The following TNS3 variants were observed in gnomAD, a reference collection of about 807,000 sequenced individuals.
The protein encoded by TNS3 is tensin-3.
TNS3 carries 45 observed loss-of-function variants against 140.9 expected under a neutral mutation model. That is an observed-to-expected ratio of 0.32 (90% CI 0.25 to 0.41). The LOEUF (loss-of-function observed/expected upper bound fraction) is 0.41, where lower values mean the gene tolerates loss of function less well. Ranked by LOEUF, TNS3 falls within the 10% of genes least tolerant of loss-of-function variation. TNS3 has a pLI of 1.00. For synonymous variants in TNS3, 815 were observed against 788.4 expected, an observed-to-expected ratio of 1.03 and a Z score of -0.56; for missense variants, 1,716 against 1,906.7, an observed-to-expected ratio of 0.90 and a Z score of 1.86.
chr7:47,415,836 G>C (rs576292034), intron 10 of TNS3, among the ~76,000 whole-genome samples: 2 of 152,394 alleles, frequency 1.3e-5, no homozygotes, highest in African/African-American at 4.8e-5. Context: ...TCGGCCTCAT[G>C]CTTCCAACAC....
chr7:47,533,103 T>TTATATATATATATATATATATATATATA (rs1340588438), intron 1 of TNS3, among the ~76,000 whole-genome samples: 6 of 18,600 alleles, frequency 3.2e-4, no homozygotes, highest in African/African-American at 6.9e-4. Flanking sequence ...TTGTCAGATT[T>TTATATATATATATATATATATATATATA]TATATATATA....
chr7:47,366,822 T>A (rs1435980928), intron 17 of TNS3, among the ~76,000 whole-genome samples: 1 of 152,032 alleles, frequency 6.6e-6, no homozygotes, highest in African/African-American at 2.4e-5. Flanking sequence ...CTTAGGACGA[T>A]GACATGGGCC....
intron 1 of TNS3, among the ~76,000 whole-genome samples, chr7:47,561,376 G>A (rs1366578737): frequency 6.6e-6 from 1 of 152,120 alleles, no homozygotes; most frequent in Non-Finnish European, 1.5e-5. Flanking sequence ...ACTATGCAGG[G>A]ACCCTATGGG....
intron 20 of TNS3, among the ~76,000 whole-genome samples, chr7:47,338,171 T>G (rs1481197312): frequency 1.3e-5 from 2 of 152,258 alleles, no homozygotes; most frequent in Admixed American, 6.5e-5. Flanking sequence ...GTACAGGTTT[T>G]ATGTGAACAT....
intron 17 of TNS3, among the ~76,000 whole-genome samples, chr7:47,353,463 A>G (rs1239683246): frequency 1.3e-5 from 2 of 152,222 alleles, no homozygotes; most frequent in Admixed American, 6.5e-5. Flanking sequence ...TTTCTTTAGT[A>G]TGATGTTCTA....
At chr7:47,544,306 C>CTCTCACAAGCACGCCACG in intron 1 of TNS3, among the ~76,000 whole-genome samples, 1 of 152,128 alleles carries the variant, frequency 6.6e-6, no homozygotes, top group Non-Finnish European at 1.5e-5. Context: ...CTGTCTCCAC[C>CTCTCACAAGCACGCCACG]TCTCACAAGC....
chr7:47,375,360 C>T (rs1186207227), intron 16 of TNS3, among the ~76,000 whole-genome samples: 7 of 152,150 alleles, frequency 4.6e-5, no homozygotes, highest in Non-Finnish European at 4.4e-5. Flanking sequence ...TCCTGGTGGC[C>T]AGATCTTAGT....
intron 3 of TNS3, among the ~76,000 whole-genome samples, chr7:47,488,711 A>T (rs150438204): frequency 1.9e-4 from 29 of 152,294 alleles, no homozygotes; most frequent in Non-Finnish European, 2.9e-4. Context: ...CCCAGCACTA[A>T]CAATCAAAGG....
Position 47,303,509 on chromosome 7 carries a change from G to A in TNS3, c.2898C>T (p.Pro966=). 2 of 1,608,396 alleles carry A rather than the reference G, an allele frequency of 1.2e-6. No homozygotes were observed. The highest frequency in any genetic ancestry group is 2.2e-5 in the East Asian group (1 of 44,826). ...PMVSLLGSGR[P]TGSPLSAEFS... is the part of the protein sequence containing the mutation. ...ACTCAGCGCTGAGGGGACTTCCGGTGGGCCGGCCGCTCCCCAGCAGGGAAA... is the reference window on the plus strand; with the variant it reads ...ACTCAGCGCTGAGGGGACTTCCGGTAGGCCGGCCGCTCCCCAGCAGGGAAA... The change falls in exon 22 of 31, where the codon CCC becomes CCT. Residue 966 remains proline, a synonymous_variant. Transcript: ENST00000311160.
Position 47,368,995 on chromosome 7 carries a change from G to C in TNS3, c.1651C>G (p.Arg551Gly). 6.2e-7 allele frequency: 1 copy of C among 1,613,950 alleles called. No individual in the cohort carries two copies. The highest frequency in any genetic ancestry group is 8.5e-7 in the Non-Finnish European group (1 of 1,180,028). The part of the protein sequence containing the change: ...LGLGMDGPYE[R>G]ERTFGSREPK... ...TCTCGACTCCCAAAAGTCCGCTCCC[G>C]CTCATAGGGGCCGTCCATGCCAAGG... is the stretch of plus-strand genomic sequence containing the variant. The change falls in exon 17 of 31, where the codon CGG becomes GGG. Residue 551 changes from arginine to glycine, a missense_variant. Coordinates refer to ENST00000311160, the MANE Select transcript of TNS3 (RefSeq NM_022748.12).
chr7:47,521,707 G>A (rs1008597796), intron 2 of TNS3, among the ~76,000 whole-genome samples: 1 of 152,158 alleles, frequency 6.6e-6, no homozygotes, highest in African/African-American at 2.4e-5. Context: ...AGTCCAGCAA[G>A]AGGTCAAAAA....
chr7:47,533,862 G>A (rs1385980530), intron 1 of TNS3, among the ~76,000 whole-genome samples: 1 of 152,134 alleles, frequency 6.6e-6, no homozygotes. Context: ...AAATGATTGT[G>A]AGGCCTCCCC....
chr7:47,390,199 T>A (rs1315859831), intron 16 of TNS3, among the ~76,000 whole-genome samples: 1 of 152,214 alleles, frequency 6.6e-6, no homozygotes, highest in Non-Finnish European at 1.5e-5. Context: ...TCAGGTGCCA[T>A]CGGCCCCCTC....
intron 3 of TNS3, among the ~76,000 whole-genome samples, chr7:47,496,519 A>T (rs1012816975): frequency 3.3e-5 from 5 of 152,180 alleles, no homozygotes; most frequent in African/African-American, 9.7e-5. Flanking sequence ...AGAGGCTGCC[A>T]ATCAGCCCGC....
At chr7:47,354,321 A>G (rs1178200823) in intron 17 of TNS3, among the ~76,000 whole-genome samples, 1 of 152,088 alleles carries the variant, frequency 6.6e-6, no homozygotes, top group African/African-American at 2.4e-5. Flanking sequence ...ACTGGAGAGC[A>G]CCTGCAGGGC....
At chr7:47,321,834 C>T (rs147716403) in intron 20 of TNS3, among the ~76,000 whole-genome samples, 1 of 152,278 alleles carries the variant, frequency 6.6e-6, no homozygotes, top group Non-Finnish European at 1.5e-5. Flanking sequence ...AGACCATCCA[C>T]TTAGAATGCA....
chr7:47,319,156 C>T (rs192005121), intron 20 of TNS3, among the ~76,000 whole-genome samples: 5 of 152,296 alleles, frequency 3.3e-5, no homozygotes, highest in African/African-American at 4.8e-5. Context: ...TAGGAACAAC[C>T]GAGGCTGGGC....
At chr7:47,481,005 A>C in intron 4 of TNS3, 98 bp downstream of exon 4, 1 of 961,418 alleles carries the variant, frequency 1.0e-6, no homozygotes, top group South Asian at 1.4e-5. Flanking sequence ...TGGATCCTAG[A>C]GGAAGCCAAA....
intron 1 of TNS3, among the ~76,000 whole-genome samples, chr7:47,534,668 T>C (rs938234969): frequency 2.0e-5 from 3 of 152,220 alleles, no homozygotes; most frequent in Non-Finnish European, 2.9e-5. Flanking sequence ...TAAGTATCTA[T>C]ATACATTTAA....
Sources: allele counts gnomAD v4.1 joint callset (sites outside exome capture counted in the v4.1 genomes callset), GRCh38; gene constraint gnomAD v4.1.1; transcripts MANE v1.5; gene names NCBI Gene and HGNC (gene_info 2026-07-23, HGNC 2026-07-21).